EFCAB8: variants seen among roughly 807,000 people sequenced by gnomAD.
The protein encoded by EFCAB8 is EF-hand calcium-binding domain-containing protein 8.
In EFCAB8, 100 loss-of-function variants were observed where a neutral mutation model predicts 116.3. That is an observed-to-expected ratio of 0.86 (90% CI 0.73 to 1.02). The LOEUF is 1.02. EFCAB8 is among the 50% of genes least tolerant of loss of function. The pLI is 0.00. For synonymous variants in EFCAB8, 558 were observed against 567.9 expected (o/e 0.98, Z 0.25); for missense variants, 1,320 against 1,416.9 (o/e 0.93, Z 1.10).
chr20:32,906,269 T>G (rs1986668669), intron 11 of EFCAB8, among the ~76,000 whole-genome samples: 1 of 152,198 alleles, frequency 6.6e-6, no homozygotes, highest in Middle Eastern at 3.2e-3. Context: ...CAGGAGTCGC[T>G]CCTGCCTGGG....
Position 32,867,634 on chromosome 20 carries a change from C to T in EFCAB8, c.95C>T (p.Pro32Leu). The T allele has an allele frequency of 1.9e-6, 3 of 1,551,670 alleles. No individual in the cohort carries two copies. The highest frequency in any genetic ancestry group is 1.2e-5 in the South Asian group (1 of 84,056). The change falls in exon 3 of 27, where the codon CCA becomes CTA. Residue 32 changes from proline to leucine, a missense_variant. Pro to Leu is a moderately conservative substitution (Grantham distance 98, BLOSUM62 -3). Coordinates refer to ENST00000400522, the MANE Select transcript of EFCAB8 (RefSeq NM_001143967.2). Reference sequence around the variant, plus strand: ...AAGGAGGCTGCTAGCTCCCCAACACCATCCATCACCCTTAGCCAGGTGCCT... The same window carrying T: ...AAGGAGGCTGCTAGCTCCCCAACACTATCCATCACCCTTAGCCAGGTGCCT... ...QNKEAASSPTPSITLSQVPDL... is the reference protein window; with the variant it reads ...QNKEAASSPTLSITLSQVPDL...
chr20:32,953,426 C>T (rs977744930), intron 23 of EFCAB8, among the ~76,000 whole-genome samples: 6 of 152,190 alleles, frequency 3.9e-5, no homozygotes, highest in Non-Finnish European at 7.3e-5. Context: ...GCACATGTAC[C>T]ATTTTATAAT....
Position 32,863,845 on chromosome 20 carries a change from C to G in EFCAB8, c.42+11C>G. ...CCTCAACTCCAAAAGGTAAGAAAGA[C>G]AATTATCTGAACTAATAAAGGGTGG... On this transcript the variant is annotated intron_variant, in intron 2 of 26. Coordinates refer to ENST00000400522, the MANE Select transcript of EFCAB8 (RefSeq NM_001143967.2). 1 of 1,551,124 alleles carries G rather than the reference C, an allele frequency of 6.4e-7. No homozygotes were observed. The highest frequency in any genetic ancestry group is 8.7e-7 in the Non-Finnish European group (1 of 1,146,724).
chr20:32,921,406 G>A (rs1987448020), intron 20 of EFCAB8, among the ~76,000 whole-genome samples: 1 of 143,512 alleles, frequency 7.0e-6, no homozygotes, highest in Admixed American at 7.2e-5. Context: ...TGTAGAGATG[G>A]GGTCTCACTA....
At chr20:32,928,439 G>A (rs1287856641) in intron 20 of EFCAB8, among the ~76,000 whole-genome samples, 1 of 152,024 alleles carries the variant, frequency 6.6e-6, no homozygotes, top group Admixed American at 6.6e-5. Context: ...CTTTCACCAT[G>A]TTGACCAGGC....
At position 32,961,285 on chromosome 20, in the gene EFCAB8, G is replaced by C. The variant is rs765415047; in HGVS notation, c.3543G>C (p.Arg1181Ser). The change falls in exon 27 of 27, where the codon AGG (arginine) becomes AGC (serine). Residue 1181 changes from arginine (R) to serine (S), a missense_variant. Arg to Ser is a moderately radical substitution (Grantham distance 110, BLOSUM62 -1). Coordinates refer to ENST00000400522, the MANE Select transcript of EFCAB8 (RefSeq NM_001143967.2). ...TCCAGAAGGACCTGGTGCCCAGCAGGGAGCAGGCTGTGCTGGATACCACGG... is the reference window on the plus strand; with the variant it reads ...TCCAGAAGGACCTGGTGCCCAGCAGCGAGCAGGCTGTGCTGGATACCACGG... ...HHVQKDLVPS[R>S]EQAVLDTTDS... 1.5e-4 allele frequency: 228 copies of C among 1,548,660 alleles called. No homozygotes were observed. The highest frequency in any genetic ancestry group is 1.9e-4 in the Non-Finnish European group (221 of 1,145,490).
intron 15 of EFCAB8, among the ~76,000 whole-genome samples, chr20:32,910,302 CTT>C (rs1203755987): frequency 2.0e-5 from 3 of 152,166 alleles, no homozygotes; most frequent in African/African-American, 7.2e-5. Context: ...TTGGGCATCT[CTT>C]TGCAGGGAAG....
intron 20 of EFCAB8, among the ~76,000 whole-genome samples, chr20:32,927,109 T>TA (rs1165919012): frequency 6.6e-6 from 1 of 152,134 alleles, no homozygotes; most frequent in East Asian, 1.9e-4. Context: ...CACAAAATTA[T>TA]AAAAAATTAG....
At chr20:32,910,487 A>T (rs1986868145) in intron 15 of EFCAB8, among the ~76,000 whole-genome samples, 1 of 151,964 alleles carries the variant, frequency 6.6e-6, no homozygotes. Context: ...ACTCCCACCC[A>T]CTGGGACCTC....
chr20:32,898,273 T>G, intron 10 of EFCAB8: 1 of 484,950 alleles, frequency 2.1e-6, no homozygotes, highest in South Asian at 3.6e-5. Context: ...AGTAGGCTTG[T>G]GTGCTTTTAA....
chr20:32,914,694 A>G (rs1987101920), intron 17 of EFCAB8, among the ~76,000 whole-genome samples: 2 of 151,970 alleles, frequency 1.3e-5, no homozygotes, highest in Admixed American at 1.3e-4. Context: ...GTGAGAACTC[A>G]CTCACTATCA....
chr20:32,872,570 T>C (rs538542347), intron 3 of EFCAB8, among the ~76,000 whole-genome samples: 1 of 151,778 alleles, frequency 6.6e-6, no homozygotes, highest in South Asian at 2.1e-4. Flanking sequence ...CTGAGGTGGG[T>C]GGATCAAGAG....
intron 4 of EFCAB8, among the ~76,000 whole-genome samples, chr20:32,876,619 A>G (rs557737428): frequency 2.6e-5 from 4 of 152,286 alleles, no homozygotes; most frequent in Admixed American, 2.6e-4. Flanking sequence ...TAAGCTCTCT[A>G]TGTATTATTT....
At chr20:32,916,361 G>A (rs1987185361) in intron 17 of EFCAB8, among the ~76,000 whole-genome samples, 1 of 152,160 alleles carries the variant, frequency 6.6e-6, no homozygotes, top group South Asian at 2.1e-4. Context: ...GGGCTCAAGT[G>A]ATCCTCCTGC....
intron 23 of EFCAB8, 79 bp downstream of exon 23, chr20:32,943,883 C>T (rs1988491394): frequency 4.8e-6 from 2 of 413,758 alleles, no homozygotes; most frequent in South Asian, 1.3e-4. Flanking sequence ...CTGGTATGAA[C>T]TTTGTACTCT....
intron 23 of EFCAB8, among the ~76,000 whole-genome samples, chr20:32,947,572 G>T (rs1463289786): frequency 6.6e-6 from 1 of 152,034 alleles, no homozygotes; most frequent in Non-Finnish European, 1.5e-5. Context: ...TAAATATTTG[G>T]AAGCTAAATG....
intron 8 of EFCAB8, 84 bp downstream of exon 8, chr20:32,892,381 C>A: frequency 8.3e-7 from 1 of 1,210,908 alleles, no homozygotes; most frequent in South Asian, 1.3e-5. Flanking sequence ...GGGTTGGGGC[C>A]CCCAGAAAGC....
chr20:32,866,797 C>G (rs1374863059), intron 2 of EFCAB8, among the ~76,000 whole-genome samples: 1 of 141,950 alleles, frequency 7.0e-6, no homozygotes, highest in Non-Finnish European at 1.5e-5. Context: ...CCTTCCTTCC[C>G]TCCCTCCCTC....
chr20:32,910,607 G>T (rs1386651239), intron 15 of EFCAB8, among the ~76,000 whole-genome samples: 1 of 152,134 alleles, frequency 6.6e-6, no homozygotes, highest in African/African-American at 2.4e-5. Flanking sequence ...CCTGGCTCCT[G>T]CCACCACCCT....
Sources: gnomAD v4.1 joint callset for allele counts (sites outside exome capture counted in the v4.1 genomes callset) on GRCh38, gnomAD v4.1.1 for gene constraint, MANE v1.5 for transcripts, NCBI Gene and HGNC (gene_info 2026-07-23, HGNC 2026-07-21) for gene names.